SLC12A7: variants seen among roughly 807,000 people sequenced by gnomAD.
SLC12A7 encodes K-Cl cotransporter 4.
A neutral mutation model predicts 120.6 loss-of-function variants in SLC12A7; 100 were observed. The observed-to-expected ratio is 0.83, with a 90% CI of 0.71 to 0.98. The LOEUF (loss-of-function observed/expected upper bound fraction) is 0.98, where lower values mean the gene tolerates loss of function less well. SLC12A7 is among the 50% of genes least tolerant of loss of function. The pLI is 0.00. For synonymous variants in SLC12A7, 760 were observed against 678.0 expected, an observed-to-expected ratio of 1.12 and a Z score of -1.88; for missense variants, 1,373 against 1,548.1, an observed-to-expected ratio of 0.89 and a Z score of 1.90.
chr5:1,064,057 T>G (rs1256238048), intron 19 of SLC12A7, 26 bp downstream of exon 19: 1 of 1,600,446 alleles, frequency 6.2e-7, no homozygotes, highest in East Asian at 2.2e-5. Context: ...GTGCTCCGGC[T>G]GGCGTGTCCC....
chr5:1,144,720 A>G, the SLC12A7 span, among the ~76,000 whole-genome samples: 13 of 152,242 alleles, frequency 8.5e-5, no homozygotes, highest in Non-Finnish European at 1.3e-4. Flanking sequence ...ACCAGGCTGC[A>G]GTGGGGACAT....
At chr5:1,084,635 T>G (rs566775958) in intron 7 of SLC12A7, among the ~76,000 whole-genome samples, 245 of 152,274 alleles carry the variant, frequency 1.6e-3, no homozygotes, top group Non-Finnish European at 2.7e-3. Flanking sequence ...AACGGGCTTG[T>G]GGGGTTGCAG....
intron 7 of SLC12A7, among the ~76,000 whole-genome samples, chr5:1,084,363 C>G (rs567734843): frequency 4.6e-5 from 7 of 152,336 alleles, no homozygotes; most frequent in South Asian, 4.1e-4. Flanking sequence ...AACCTCCCCC[C>G]GCGCCAGCAC....
chr5:1,103,287 C>T (rs1443094078), intron 1 of SLC12A7, among the ~76,000 whole-genome samples: 2 of 152,186 alleles, frequency 1.3e-5, no homozygotes, highest in African/African-American at 4.8e-5. Context: ...TGTGCAGACA[C>T]CACCGCCAGT....
upstream of SLC12A7, among the ~76,000 whole-genome samples, chr5:1,112,458 A>AC (rs1217255043): frequency 8.8e-4 from 16 of 18,166 alleles, no homozygotes; most frequent in African/African-American, 3.5e-3. Context: ...CCCCTCCTGC[A>AC]CCCCCCCACC....
chr5:1,111,212 G>A (rs1742973152), intron 1 of SLC12A7, among the ~76,000 whole-genome samples: 1 of 152,128 alleles, frequency 6.6e-6, no homozygotes, highest in Non-Finnish European at 1.5e-5. Flanking sequence ...GAACAGGGCT[G>A]GGGGATTCTC....
rs749149096 is a variant in SLC12A7 at position 1,076,245 on chromosome 5, A to G, written c.1749-9T>C. 6.3e-7 allele frequency: 1 copy of G among 1,597,858 alleles called. No homozygotes were observed. The highest frequency in any genetic ancestry group is 8.5e-7 in the Non-Finnish European group (1 of 1,173,164). ...AGCACATGAGGAAGAACCTGCAGGG[A>G]CGGCCGGCCACTGATACGGGCCCAC... is the stretch of plus-strand genomic sequence containing the variant. On this transcript the variant is annotated splice_polypyrimidine_tract_variant and intron_variant, in intron 13 of 23. Coordinates refer to ENST00000264930, the MANE Select transcript of SLC12A7 (RefSeq NM_006598.3).
At chr5:1,069,485 C>A (rs1471667820) in intron 17 of SLC12A7, among the ~76,000 whole-genome samples, 2 of 152,246 alleles carry the variant, frequency 1.3e-5, no homozygotes, top group Non-Finnish European at 2.9e-5. Context: ...TGGCTCCCAA[C>A]CCACAGCAAG....
At chr5:1,057,323 C>T in intron 22 of SLC12A7, 148 bp downstream of exon 22, 1 of 811,292 alleles carries the variant, frequency 1.2e-6, no homozygotes, top group Non-Finnish European at 1.9e-6. Flanking sequence ...TCAGTGCCCA[C>T]TCAGGCGGCT....
chr5:1,117,112 A>G, the SLC12A7 span, among the ~76,000 whole-genome samples: 1 of 152,074 alleles, frequency 6.6e-6, no homozygotes, highest in African/African-American at 2.4e-5. This position sits in a 1 kb window ranked among gnomAD's most constrained non-coding sequence, Gnocchi z 4.5. Flanking sequence ...GTCCTGCTCA[A>G]ACCCCAGAGC....
At chr5:1,121,986 C>T in the SLC12A7 span, among the ~76,000 whole-genome samples, 6 of 152,162 alleles carry the variant, frequency 3.9e-5, no homozygotes, top group Non-Finnish European at 8.8e-5. Flanking sequence ...AGGCACGAAG[C>T]GGGGATGGGT....
At chr5:1,087,715 G>A (rs373747554) in intron 5 of SLC12A7, among the ~76,000 whole-genome samples, 1 of 152,254 alleles carries the variant, frequency 6.6e-6, no homozygotes, top group African/African-American at 2.4e-5. Flanking sequence ...AAGCCCAGCC[G>A]TTAACACGCG....
At chr5:1,080,830 C>G (rs1468705865) in intron 9 of SLC12A7, among the ~76,000 whole-genome samples, 1 of 152,190 alleles carries the variant, frequency 6.6e-6, no homozygotes, top group Non-Finnish European at 1.5e-5. Flanking sequence ...GCCAGGTGTT[C>G]CCAGCAACCC....
chr5:1,067,170 AGACGG>A (rs1737142834), intron 17 of SLC12A7, among the ~76,000 whole-genome samples: 1 of 152,156 alleles, frequency 6.6e-6, no homozygotes, highest in African/African-American at 2.4e-5. Flanking sequence ...CCCGGGCGCA[AGACGG>A]GACAGGGTGC....
chr5:1,050,703 T>C lies in SLC12A7; in HGVS notation c.*1657A>G. The C allele has an allele frequency of 2.5e-6, 1 of 395,626 alleles. No individual in the cohort carries two copies. Among genetic ancestry groups the C allele is most frequent in the Non-Finnish European group, 4.5e-6 (1 of 224,674 alleles). 24.5% of individuals were successfully genotyped at this position (395,626 alleles called of 1,614,324 possible). ...CTCCAGGTGCAGGGGACACAGGACC[T>C]GCCGGCCCCATCCAGACATGGAGGA... is the stretch of plus-strand genomic sequence containing the variant. On this transcript the variant is annotated 3_prime_UTR_variant, in exon 24 of 24. Transcript: ENST00000264930.
rs776755314 is a variant in SLC12A7 at position 1,063,912 on chromosome 5, T to C, written c.2671A>G (p.Met891Val). The change falls in exon 20 of 24, where the codon ATG (methionine) becomes GTG (valine). Residue 891 changes from methionine to valine, a missense_variant. By Grantham distance (21) the Met-to-Val change is conservative. Transcript: ENST00000264930. ...AAGAACATCTGCAGGTCCTTCTTCATCTGGATGCTGTTGTCGTCCACCTGG... is the reference window on the plus strand; with the variant it reads ...AAGAACATCTGCAGGTCCTTCTTCACCTGGATGCTGTTGTCGTCCACCTGG... The part of the protein sequence containing the change: ...VAQVDDNSIQ[M>V]KKDLQMFLYH... The C allele has an allele frequency of 6.2e-7, 1 of 1,611,978 alleles. No homozygotes were observed. The highest frequency in any genetic ancestry group is 1.1e-5 in the South Asian group (1 of 91,048).
At chr5:1,138,017 C>A in the SLC12A7 span, among the ~76,000 whole-genome samples, 1 of 152,196 alleles carries the variant, frequency 6.6e-6, no homozygotes. Context: ...CGCCGGCACC[C>A]GCCCCTCCTC....
In SLC12A7 at chr5:1,065,454, C is replaced by T. The variant is rs375450378; in HGVS notation, c.2266G>A (p.Glu756Lys). The change falls in exon 18 of 24, where the codon GAG becomes AAG. Residue 756 changes from glutamate to lysine, a missense_variant. By Grantham distance (56) the Glu-to-Lys change is moderately conservative (BLOSUM62 1). Coordinates refer to ENST00000264930, the MANE Select transcript of SLC12A7 (RefSeq NM_006598.3). Reference protein sequence around the residue: ...EENIRSLMSTEKTKGFCQLVV... With the variant: ...EENIRSLMSTKKTKGFCQLVV... ...AGCTGGCAGAAGCCCTTGGTCTTCT[C>T]TGTGCTCATTAGGGACCGTATGTTC... is the stretch of plus-strand genomic sequence containing the variant. 5.6e-6 allele frequency: 9 copies of T among 1,606,260 alleles called. No homozygotes were observed. The highest frequency in any genetic ancestry group is 2.2e-5 in the South Asian group (2 of 90,156).
At chr5:1,108,462 C>T (rs1742731729) in intron 1 of SLC12A7, among the ~76,000 whole-genome samples, 1 of 152,240 alleles carries the variant, frequency 6.6e-6, no homozygotes, top group Non-Finnish European at 1.5e-5. Flanking sequence ...TGCCCAGCTG[C>T]TGCAGGGGCT....
Sources: allele counts gnomAD v4.1 joint callset (sites outside exome capture counted in the v4.1 genomes callset), GRCh38; gene constraint gnomAD v4.1.1; non-coding constraint Gnocchi (gnomAD v3.1); transcripts MANE v1.5; gene names NCBI Gene and HGNC (gene_info 2026-07-23, HGNC 2026-07-21).